Variants in GRID1 observed in about 807,000 individuals in gnomAD.
The protein encoded by GRID1 is glutamate ionotropic receptor delta type subunit 1.
GRID1 carries 28 observed loss-of-function variants against 98.0 expected under a neutral mutation model. That is an observed-to-expected ratio of 0.29 (90% CI 0.21 to 0.39). The LOEUF is 0.39. GRID1 is among the 10% of genes least tolerant of loss of function. The pLI is 1.00. For synonymous variants in GRID1, 553 were observed against 538.5 expected (o/e 1.03, Z -0.37); for missense variants, 1,111 against 1,340.5 (o/e 0.83, Z 2.67).
chr10:86,333,810 T>C (rs947419437), intron 2 of GRID1, among the ~76,000 whole-genome samples: 5 of 152,178 alleles, frequency 3.3e-5, no homozygotes, highest in African/African-American at 7.2e-5. Flanking sequence ...ATCATTCTTG[T>C]TGTCTTCACA....
chr10:86,178,127 A>G (rs1356202795), intron 3 of GRID1, among the ~76,000 whole-genome samples: 1 of 152,148 alleles, frequency 6.6e-6, no homozygotes, highest in Non-Finnish European at 1.5e-5. Flanking sequence ...CCAAATCTCC[A>G]AAGTCAGTTC....
At chr10:85,706,925 T>G (rs550678589) in intron 12 of GRID1, among the ~76,000 whole-genome samples, 2 of 152,072 alleles carry the variant, frequency 1.3e-5, no homozygotes, top group African/African-American at 2.4e-5. Context: ...AAAGCTGAAA[T>G]TGGATCCCTT....
rs184748553 is a variant in GRID1, at chr10:86,110,297, G to A, written c.726+28522C>T. Among the ~76,000 whole-genome samples the A allele has an allele frequency of 1.6e-3, 247 of 152,088 alleles. 1 individual carries two copies. Among genetic ancestry groups the A allele is most frequent in the African/African-American group, 5.6e-3 (231 of 41,490 alleles). The stretch of plus-strand genomic sequence containing the variant: ...CCTTCCATTCTTTATTCACCCCCTG[G>A]GTCACCCATCCCAGGTCCACTTCTC... On this transcript the variant is annotated intron_variant, in intron 4 of 15. Transcript: ENST00000327946.
At chr10:85,901,861 C>T (rs1052530857) in intron 5 of GRID1, among the ~76,000 whole-genome samples, 2 of 152,128 alleles carry the variant, frequency 1.3e-5, no homozygotes, top group African/African-American at 2.4e-5. Flanking sequence ...TGCAGAACAA[C>T]GATGACCTCA....
intron 2 of GRID1, among the ~76,000 whole-genome samples, chr10:86,351,785 G>A (rs917748503): frequency 6.6e-6 from 1 of 152,176 alleles, no homozygotes; most frequent in East Asian, 1.9e-4. Context: ...CTCTGCACTG[G>A]CCAGGTGACA....
chr10:86,151,752 G>A (rs1845172404), intron 3 of GRID1, among the ~76,000 whole-genome samples: 1 of 152,200 alleles, frequency 6.6e-6, no homozygotes, highest in African/African-American at 2.4e-5. Flanking sequence ...CCACCCAGGG[G>A]CTGTCACCCA....
At chr10:85,819,648 C>T (rs754401849) in intron 8 of GRID1, among the ~76,000 whole-genome samples, 1 of 152,084 alleles carries the variant, frequency 6.6e-6, no homozygotes, top group Non-Finnish European at 1.5e-5. Context: ...GTGGTTCATG[C>T]ATGTAATCTA....
chr10:86,308,504 A>T (rs983132534), intron 2 of GRID1, among the ~76,000 whole-genome samples: 4 of 152,214 alleles, frequency 2.6e-5, no homozygotes, highest in Non-Finnish European at 5.9e-5. Context: ...GTCACTGTTC[A>T]CAAGCCACAG....
In GRID1 at chr10:85,808,170, T is replaced by C. The variant is rs1842639518; in HGVS notation, c.1233+46326A>G. ...ATATAAACAATTACAAGGTTACTCCTGCAATAACAAGAAAAACATGGCAGG... is the reference window on the plus strand; with the variant it reads ...ATATAAACAATTACAAGGTTACTCCCGCAATAACAAGAAAAACATGGCAGG... On this transcript the variant is annotated intron_variant, in intron 8 of 15. Coordinates refer to ENST00000327946, the MANE Select transcript of GRID1 (RefSeq NM_017551.3). Among the ~76,000 whole-genome samples, 3 of 152,204 alleles carry C rather than the reference T, an allele frequency of 2.0e-5. No individual in the cohort carries two copies. In the South Asian group the frequency reaches 6.2e-4, roughly 31 times the overall value.
chr10:85,804,159 A>C (rs1842601513), intron 8 of GRID1, among the ~76,000 whole-genome samples: 1 of 151,384 alleles, frequency 6.6e-6, no homozygotes, highest in South Asian at 2.1e-4. Context: ...GAAAAAAATG[A>C]AAAAAAAGCA....
chr10:86,200,124 A>G (rs1564704475), intron 3 of GRID1, among the ~76,000 whole-genome samples: 1 of 149,936 alleles, frequency 6.7e-6, no homozygotes, highest in African/African-American at 2.4e-5. Context: ...CTCTGCTTAG[A>G]ACACTCTTCC....
At chr10:85,674,274 C>T (rs1249955935) in intron 12 of GRID1, among the ~76,000 whole-genome samples, 1 of 152,132 alleles carries the variant, frequency 6.6e-6, no homozygotes, top group Non-Finnish European at 1.5e-5. Context: ...GGGAACAAAG[C>T]CTGCCTCTTT....
intron 6 of GRID1, 21 bp downstream of exon 6, chr10:85,868,989 G>A: frequency 1.1e-5 from 17 of 1,608,454 alleles, no homozygotes; most frequent in Non-Finnish European, 1.4e-5. Context: ...GGGGACTGGA[G>A]AGAAGAGGCT....
At chr10:85,737,895 G>A (rs1220935968) in intron 8 of GRID1, among the ~76,000 whole-genome samples, 1 of 151,768 alleles carries the variant, frequency 6.6e-6, no homozygotes, top group Admixed American at 6.6e-5. Context: ...TGCAAGAAGT[G>A]TTTCTGCTCT....
At chr10:86,177,490 G>A (rs922669403) in intron 3 of GRID1, among the ~76,000 whole-genome samples, 1 of 152,098 alleles carries the variant, frequency 6.6e-6, no homozygotes, top group Non-Finnish European at 1.5e-5. Context: ...TTTAGCGTGT[G>A]CATGCATGTG....
chr10:85,826,153 C>T (rs567947167), intron 8 of GRID1, among the ~76,000 whole-genome samples: 82 of 152,008 alleles, frequency 5.4e-4, no homozygotes, highest in African/African-American at 2.0e-3. Flanking sequence ...ATGGAGAAAC[C>T]ACCCTCATCT....
At chr10:86,243,681 GC>G (rs1846673462) in intron 2 of GRID1, among the ~76,000 whole-genome samples, 1 of 152,194 alleles carries the variant, frequency 6.6e-6, no homozygotes, top group Admixed American at 6.5e-5. Flanking sequence ...GATTGCTGCT[GC>G]CAGTATACAG....
chr10:85,973,490 C>T (rs1842433677), intron 4 of GRID1, among the ~76,000 whole-genome samples: 1 of 152,072 alleles, frequency 6.6e-6, no homozygotes, highest in Non-Finnish European at 1.5e-5. Context: ...GGAACTCTTT[C>T]AGATTTGTCT....
chr10:85,852,884 A>C (rs1409690595), intron 8 of GRID1, among the ~76,000 whole-genome samples: 2 of 152,158 alleles, frequency 1.3e-5, no homozygotes, highest in Non-Finnish European at 2.9e-5. Context: ...GTCACAGAAT[A>C]GTTGCTAGCC....
Sources: gnomAD v4.1 joint callset for allele counts (sites outside exome capture counted in the v4.1 genomes callset) on GRCh38, gnomAD v4.1.1 for gene constraint, MANE v1.5 for transcripts, NCBI Gene and HGNC (gene_info 2026-07-23, HGNC 2026-07-21) for gene names.